The following SMAD5 variants were observed in gnomAD, a reference collection of about 807,000 sequenced individuals.
SMAD5 encodes MAD, mothers against decapentaplegic homolog 5.
SMAD5 carries 9 observed loss-of-function variants against 43.1 expected under a neutral mutation model. That is an observed-to-expected ratio of 0.21 (90% CI 0.13 to 0.36). SMAD5 has a LOEUF of 0.36. Ranked by LOEUF, SMAD5 falls within the 10% of genes least tolerant of loss-of-function variation. SMAD5 has a pLI of 1.00. For synonymous variants in SMAD5, 190 were observed against 192.4 expected (o/e 0.99, Z 0.10); for missense variants, 348 against 574.0 (o/e 0.61, Z 4.02).
chr5:136,139,920 C>G (rs1753017121), intron 1 of SMAD5, among the ~76,000 whole-genome samples: 1 of 152,034 alleles, frequency 6.6e-6, no homozygotes, highest in Admixed American at 6.6e-5. Context: ...ACTATGTTGC[C>G]CAGGCTAGGC....
chr5:136,179,115 G>C lies in SMAD5; in HGVS notation c.*1635G>C, dbSNP rs1398866651. The stretch of plus-strand genomic sequence containing the variant: ...AATATAGACTCTTCTCTCATTTATC[G>C]ATGATCCTCTTTTTCCATTTTTTAA... On this transcript the variant is annotated 3_prime_UTR_variant, in exon 8 of 8. Transcript: ENST00000545279. The C allele has an allele frequency of 3.9e-5, 6 of 152,206 alleles. No individual in the cohort carries two copies. The highest frequency in any genetic ancestry group is 5.9e-5 in the Non-Finnish European group (4 of 68,014). 9.4% of individuals were successfully genotyped at this position (152,206 alleles called of 1,614,324 possible).
In SMAD5 at chr5:136,132,885, C is replaced by G. The variant is rs1752717025; in HGVS notation, c.-322C>G. On this transcript the variant is annotated 5_prime_UTR_variant, in exon 1 of 8. Coordinates refer to ENST00000545279, the MANE Select transcript of SMAD5 (RefSeq NM_005903.7). ...GAGCGGGCGCCGTGCGCGTGTCCCG[C>G]GGCCGAGCTGCTAATAAAGTTGCAG... 6.6e-6 allele frequency: 1 copy of G among 152,288 alleles called. No individual in the cohort carries two copies. Among genetic ancestry groups the G allele is most frequent in the South Asian group, 2.1e-4 (1 of 4,832 alleles). 9.4% of individuals were successfully genotyped at this position (152,288 alleles called of 1,614,324 possible).
rs528862442 is a variant in SMAD5, at chr5:136,153,710, C to T, written c.-51C>T. 4.2e-5 allele frequency: 62 copies of T among 1,489,966 alleles called. No homozygotes were observed. Among genetic ancestry groups the T allele is most frequent in the South Asian group, 2.6e-4 (21 of 80,914 alleles). The allele number at this position is 1,489,966 out of a possible 1,614,324, so 92.3% of individuals were successfully genotyped here. A position where few individuals can be genotyped will look rare whatever the true frequency, so the allele number is the denominator to read the frequency against. ...ACGTTTCACCTGTGATCTGTTCTTT[C>T]GGTAGCCACTGACTTTGAGTTACAG... On this transcript the variant is annotated 5_prime_UTR_variant, in exon 3 of 8. Transcript: ENST00000545279.
intron 5 of SMAD5, among the ~76,000 whole-genome samples, chr5:136,169,935 C>T (rs1371399170): frequency 6.6e-6 from 1 of 152,134 alleles, no homozygotes; most frequent in Non-Finnish European, 1.5e-5. Context: ...GCTCCCTACT[C>T]ATATCTTTTG....
intron 1 of SMAD5, chr5:136,133,789 A>C (rs993589534): frequency 1.9e-5 from 3 of 154,384 alleles, no homozygotes; most frequent in Non-Finnish European, 4.4e-5. Flanking sequence ...GAAAACTCCC[A>C]TGTGGCGCGC....
intron 5 of SMAD5, 86 bp downstream of exon 5, chr5:136,163,477 G>C: frequency 8.9e-7 from 1 of 1,117,482 alleles, no homozygotes; most frequent in Non-Finnish European, 1.2e-6. Context: ...CTTTATTGAG[G>C]TATAATTTAT....
At chr5:136,150,429 G>A (rs1052753650) in intron 2 of SMAD5, among the ~76,000 whole-genome samples, 2 of 151,908 alleles carry the variant, frequency 1.3e-5, no homozygotes, top group Non-Finnish European at 2.9e-5. Flanking sequence ...ATAGTGTGTG[G>A]TATGGCACAT....
chr5:136,138,210 G>A (rs1465993924), intron 1 of SMAD5, among the ~76,000 whole-genome samples: 1 of 152,144 alleles, frequency 6.6e-6, no homozygotes, highest in African/African-American at 2.4e-5. Flanking sequence ...GTCTGGCTGT[G>A]GGAGATAATA....
At chr5:136,169,173 C>T (rs1432444636) in intron 5 of SMAD5, among the ~76,000 whole-genome samples, 1 of 152,148 alleles carries the variant, frequency 6.6e-6, no homozygotes, top group Non-Finnish European at 1.5e-5. Flanking sequence ...TCCAAGAGTC[C>T]AGAAGCTGAA....
rs540518923 is a variant in SMAD5 at position 136,177,694 on chromosome 5, G to T, written c.*214G>T. The T allele has an allele frequency of 2.7e-5, 12 of 448,624 alleles. No homozygotes were observed. The highest frequency in any genetic ancestry group is 2.2e-4 in the African/African-American group (11 of 49,570). 27.8% of individuals were successfully genotyped at this position (448,624 alleles called of 1,614,324 possible). A position where few individuals can be genotyped will look rare whatever the true frequency, so the allele number is the denominator to read the frequency against. On this transcript the variant is annotated 3_prime_UTR_variant, in exon 8 of 8. Coordinates refer to ENST00000545279, the MANE Select transcript of SMAD5 (RefSeq NM_005903.7). The stretch of plus-strand genomic sequence containing the variant: ...AACTCTTAGAAGTGTTGTAAAAGAT[G>T]CAGAGTAAGTATTATGCCCCAGTTC...
intron 4 of SMAD5, among the ~76,000 whole-genome samples, chr5:136,161,969 ACT>A (rs992157098): frequency 9.2e-5 from 14 of 152,130 alleles, no homozygotes; most frequent in African/African-American, 3.4e-4. Flanking sequence ...AAGACCCAAG[ACT>A]CTTCTAATAT....
At position 136,178,620 on chromosome 5, in the gene SMAD5, C is replaced by CA. The variant is rs1418935535; in HGVS notation, c.*1142dup. On this transcript the variant is annotated 3_prime_UTR_variant, in exon 8 of 8. Coordinates refer to ENST00000545279, the MANE Select transcript of SMAD5 (RefSeq NM_005903.7). ...CATGTAGTTAATCCCATTGCTCTTA[C>CA]AAGTGTCAGCTTACTTGTATCAGCC... 1 of 152,190 alleles carries CA rather than the reference C, an allele frequency of 6.6e-6. No individual in the cohort carries two copies. The highest frequency in any genetic ancestry group is 1.5e-5 in the Non-Finnish European group (1 of 68,032). The allele number at this position is 152,190 out of a possible 1,614,324, so 9.4% of individuals were successfully genotyped here.
At chr5:136,163,445 T>C (rs1298367182) in intron 5 of SMAD5, 54 bp downstream of exon 5, 15 of 1,434,148 alleles carry the variant, frequency 1.0e-5, no homozygotes, top group Middle Eastern at 1.8e-4. Context: ...TTTTAACTTA[T>C]TGGCTACTTT....
At chr5:136,145,202 A>T (rs1399828530) in intron 1 of SMAD5, among the ~76,000 whole-genome samples, 1 of 151,488 alleles carries the variant, frequency 6.6e-6, no homozygotes, top group Non-Finnish European at 1.5e-5. Flanking sequence ...GGCAGTTTTG[A>T]TCTAGTTGTC....
rs74850175 is a variant in SMAD5 at position 136,151,532 on chromosome 5, A to G, written c.-169-2060A>G. On this transcript the variant is annotated intron_variant, in intron 2 of 7. Transcript: ENST00000545279. ...AAGAAGTTAAGTGTGGTTAAATGCAATTAGGTAGGATAATGGTTAAGAAAT... is the reference window on the plus strand; with the variant it reads ...AAGAAGTTAAGTGTGGTTAAATGCAGTTAGGTAGGATAATGGTTAAGAAAT... Among the ~76,000 whole-genome samples, 502 of 152,216 alleles carry G rather than the reference A, an allele frequency of 3.3e-3. 2 individuals are homozygous for G. Among genetic ancestry groups the G allele is most frequent in the African/African-American group, 0.012 (485 of 41,548 alleles).
chr5:136,163,869 T>G (rs1325868332), intron 5 of SMAD5, among the ~76,000 whole-genome samples: 1 of 152,204 alleles, frequency 6.6e-6, no homozygotes, highest in African/African-American at 2.4e-5. Context: ...TTTGAATTGT[T>G]TCCGTATTTT....
intron 2 of SMAD5, 141 bp downstream of exon 2, chr5:136,148,047 G>A (rs1217637153): frequency 6.6e-6 from 1 of 151,724 alleles, no homozygotes; most frequent in Non-Finnish European, 1.5e-5. Flanking sequence ...ATACTAAATG[G>A]TGAGTAAAAG....
At chr5:136,146,878 T>TA (rs528214068) in intron 1 of SMAD5, among the ~76,000 whole-genome samples, 1 of 151,664 alleles carries the variant, frequency 6.6e-6, no homozygotes. Context: ...TAAAGGCATT[T>TA]AAAAAAATCT....
intron 2 of SMAD5, among the ~76,000 whole-genome samples, chr5:136,152,192 C>T (rs934066513): frequency 1.3e-5 from 2 of 152,134 alleles, no homozygotes; most frequent in African/African-American, 4.8e-5. Flanking sequence ...AGTTGATCGG[C>T]ATCCAGAACT....
Sources: gnomAD v4.1 joint callset for allele counts (sites outside exome capture counted in the v4.1 genomes callset) on GRCh38, gnomAD v4.1.1 for gene constraint, MANE v1.5 for transcripts, NCBI Gene and HGNC (gene_info 2026-07-23, HGNC 2026-07-21) for gene names.